Variants in CELF2 observed in about 807,000 individuals in gnomAD.
The protein encoded by CELF2 is CUGBP Elav-like family member 2.
CELF2 carries 8 observed loss-of-function variants against 62.6 expected under a neutral mutation model. That is an observed-to-expected ratio of 0.13 (90% confidence interval 0.07 to 0.23). The LOEUF is 0.23. Ranked by LOEUF, CELF2 falls within the 10% of genes least tolerant of loss-of-function variation. The pLI is 1.00. For missense variants in CELF2, 333 were observed against 671.0 expected (o/e 0.50, Z 5.56); for synonymous variants, 258 against 250.0 (o/e 1.03, Z -0.30).
upstream of CELF2, among the ~76,000 whole-genome samples, chr10:10,793,885 G>A (rs1052142455): frequency 6.6e-6 from 1 of 152,112 alleles, no homozygotes; most frequent in Admixed American, 6.5e-5. Context: ...TTATTTAAAA[G>A]TCCATTTAGC....
At chr10:11,301,101 G>A (rs2140144807) in intron 9 of CELF2, among the ~76,000 whole-genome samples, 1 of 152,258 alleles carries the variant, frequency 6.6e-6, no homozygotes, top group African/African-American at 2.4e-5. Flanking sequence ...GATACACTGA[G>A]ACCAAGACAA....
At chr10:10,799,236 TG>T (rs977528783) in intron 1 of CELF2, among the ~76,000 whole-genome samples, 5 of 152,116 alleles carry the variant, frequency 3.3e-5, no homozygotes, top group African/African-American at 1.2e-4. Context: ...TCCCGCACTT[TG>T]GGACGCCAAG....
chr10:10,719,940 A>G, the CELF2 span, among the ~76,000 whole-genome samples: 2 of 152,240 alleles, frequency 1.3e-5, no homozygotes, highest in African/African-American at 2.4e-5. Flanking sequence ...ATTGACAGCC[A>G]TCCACAAAGG....
At chr10:10,752,595 CA>C in the CELF2 span, among the ~76,000 whole-genome samples, 45,592 of 145,662 alleles carry the variant, frequency 0.31, 7,320 homozygotes, top group Middle Eastern at 0.39. Flanking sequence ...GAGGCTGAGG[CA>C]GGGGAATCGC....
chr10:10,987,805 T>C (rs2052952845), intron 2 of CELF2, among the ~76,000 whole-genome samples: 1 of 151,988 alleles, frequency 6.6e-6, no homozygotes, highest in African/African-American at 2.4e-5. Context: ...GCAAAGAACA[T>C]GAATAGACAA....
rs1319858792 is a variant in CELF2 at position 11,237,875 on chromosome 10, G to T, written c.355-11278G>T. On this transcript the variant is annotated intron_variant, in intron 3 of 12. Transcript: ENST00000633077. This position sits in a 1 kb window ranked among gnomAD's most constrained non-coding sequence, Gnocchi z 4.0. The stretch of plus-strand genomic sequence containing the variant: ...AAATATGAGAGAATACTGTTTGTCG[G>T]TATATGTTATTGAAAGTAATGGTAA... Among the ~76,000 whole-genome samples the T allele has an allele frequency of 6.6e-6, 1 of 152,200 alleles. No individual in the cohort carries two copies. Among genetic ancestry groups the T allele is most frequent in the African/African-American group, 2.4e-5 (1 of 41,442 alleles).
Position 11,178,013 on chromosome 10 carries a change from C to A in CELF2, c.271+12331C>A, listed in dbSNP as rs527547757. On this transcript the variant is annotated intron_variant, in intron 2 of 12. Transcript: ENST00000633077. The surrounding 1 kb of genome is among the most constrained non-coding windows in gnomAD (Gnocchi z 4.3). ...TGACTGCCTGGTAGGATAAAGGAGA[C>A]GACATCTGAAAAGAGGGTTTCAGGT... Among the ~76,000 whole-genome samples, 1 of 152,228 alleles carries A rather than the reference C, an allele frequency of 6.6e-6. No homozygotes were observed. The highest frequency in any genetic ancestry group is 2.1e-4 in the South Asian group (1 of 4,818).
chr10:10,624,073 T>G, the CELF2 span, among the ~76,000 whole-genome samples: 1 of 152,204 alleles, frequency 6.6e-6, no homozygotes, highest in African/African-American at 2.4e-5. Context: ...GAAAAATTTA[T>G]CTCTGTGGCT....
At chr10:10,881,046 A>G (rs933561882) in intron 1 of CELF2, among the ~76,000 whole-genome samples, 3 of 152,128 alleles carry the variant, frequency 2.0e-5, no homozygotes, top group Admixed American at 2.0e-4. Context: ...GCTACAGTAA[A>G]TAGATTCTTC....
At chr10:10,657,718 A>G in the CELF2 span, among the ~76,000 whole-genome samples, 4 of 152,212 alleles carry the variant, frequency 2.6e-5, no homozygotes, top group Non-Finnish European at 4.4e-5. Context: ...GGATTTGGGA[A>G]GGAGAATATA....
At chr10:11,035,313 C>G (rs1332708299) in intron 1 of CELF2, among the ~76,000 whole-genome samples, 2 of 152,162 alleles carry the variant, frequency 1.3e-5, no homozygotes, top group African/African-American at 4.8e-5. Flanking sequence ...AATATGGTAG[C>G]AGCCTGCTGG....
At chr10:10,627,122 T>G in the CELF2 span, among the ~76,000 whole-genome samples, 6 of 152,324 alleles carry the variant, frequency 3.9e-5, no homozygotes, top group South Asian at 6.2e-4. Flanking sequence ...TCTCGCATTG[T>G]GTAGCCCTCC....
At chr10:11,238,827 C>T (rs1292859214) in intron 3 of CELF2, among the ~76,000 whole-genome samples, 1 of 152,204 alleles carries the variant, frequency 6.6e-6, no homozygotes, top group African/African-American at 2.4e-5. Context: ...TGTTATTTTT[C>T]ATTCATGGTC....
At chr10:11,327,825 C>T (rs926311494) in intron 12 of CELF2, among the ~76,000 whole-genome samples, 4 of 152,216 alleles carry the variant, frequency 2.6e-5, no homozygotes, top group African/African-American at 7.2e-5. Flanking sequence ...GTCATGTCCT[C>T]TTCTTCCTCC....
At chr10:10,656,736 G>C in the CELF2 span, among the ~76,000 whole-genome samples, 3 of 89,412 alleles carry the variant, frequency 3.4e-5, no homozygotes. Context: ...TCGGGGGAGG[G>C]GGGAGGGATA....
chr10:10,563,392 C>T, the CELF2 span, among the ~76,000 whole-genome samples: 1 of 152,064 alleles, frequency 6.6e-6, no homozygotes, highest in East Asian at 1.9e-4. Context: ...GAGTGGATCA[C>T]TTGAGGTCAG....
At chr10:10,754,461 A>T in the CELF2 span, among the ~76,000 whole-genome samples, 3 of 152,120 alleles carry the variant, frequency 2.0e-5, no homozygotes, top group Non-Finnish European at 4.4e-5. Flanking sequence ...AAACAGAAGC[A>T]CTCTTAATCG....
intron 1 of CELF2, among the ~76,000 whole-genome samples, chr10:10,865,134 A>G (rs577092417): frequency 2.6e-5 from 4 of 152,308 alleles, no homozygotes; most frequent in African/African-American, 9.6e-5. Context: ...CAGAATCACC[A>G]TTAAACAGAA....
At chr10:11,298,292 G>A (rs974044127) in intron 9 of CELF2, among the ~76,000 whole-genome samples, 2 of 152,192 alleles carry the variant, frequency 1.3e-5, no homozygotes, top group Admixed American at 1.3e-4. Flanking sequence ...CTGGCCTTGT[G>A]GTGCCATCTC....
Sources: gnomAD v4.1 joint callset for allele counts (sites outside exome capture counted in the v4.1 genomes callset) on GRCh38, gnomAD v4.1.1 for gene constraint, Gnocchi (gnomAD v3.1) non-coding constraint, MANE v1.5 for transcripts, NCBI Gene and HGNC (gene_info 2026-07-23, HGNC 2026-07-21) for gene names.